FBF1: variants seen among roughly 807,000 people sequenced by gnomAD.
FBF1 encodes fas-binding factor 1.
A neutral mutation model predicts 147.2 loss-of-function variants in FBF1; 119 were observed. The observed-to-expected ratio is 0.81, with a 90% CI of 0.70 to 0.94. The LOEUF (loss-of-function observed/expected upper bound fraction) is 0.94. FBF1 is among the 40% of genes least tolerant of loss of function. FBF1 has a pLI of 0.00. For synonymous variants in FBF1, 601 were observed against 609.0 expected (o/e 0.99, Z 0.19); for missense variants, 1,449 against 1,500.8 (o/e 0.97, Z 0.57).
At position 75,926,093 on chromosome 17, in the gene FBF1, C is replaced by A; in HGVS notation, c.805G>T (p.Ala269Ser). ...LGRGMATKLL[A>S]RPGTGEHREF... ...CTGTGCTCCCCGGTGCCCGGGCGGG[C>A]CAGGAGTTTGGTGGCCATGCCTCGA... Residue 269 changes from alanine (A) to serine (S), a missense_variant, in exon 12 of 30, where the codon GCC becomes TCC. Ala to Ser is a moderately conservative substitution (Grantham distance 99). Transcript: ENST00000636174. 1 of 1,612,318 alleles carries A rather than the reference C, an allele frequency of 6.2e-7. No homozygotes were observed. Among genetic ancestry groups the A allele is most frequent in the South Asian group, 1.1e-5 (1 of 90,952 alleles).
At chr17:75,926,973 G>T in intron 9 of FBF1, 96 bp from the exon 10 acceptor site, 1 of 1,498,972 alleles carries the variant, frequency 6.7e-7, no homozygotes, top group East Asian at 2.5e-5. Flanking sequence ...AAGGCTTCTA[G>T]CTGCTCCAGT....
At position 75,928,556 on chromosome 17, in the gene FBF1, G is replaced by A. The variant is rs890403643; in HGVS notation, c.280-363C>T. On this transcript the variant is annotated intron_variant, in intron 7 of 29. Coordinates refer to ENST00000636174, the MANE Select transcript of FBF1 (RefSeq NM_001319193.2). The surrounding 1 kb of genome is among the most constrained non-coding windows in gnomAD (Gnocchi z 4.2). ...GGCCGGGCGCGGTGGCTCATGCCTA[G>A]AATCCCAGCACTTTGGGCCGAGGCA... is the stretch of plus-strand genomic sequence containing the variant. Among the ~76,000 whole-genome samples, 3 of 151,944 alleles carry A rather than the reference G, an allele frequency of 2.0e-5. No homozygotes were observed. Among genetic ancestry groups the A allele is most frequent in the Middle Eastern group, 3.2e-3 (1 of 316 alleles).
chr17:75,938,512 C>T (rs956719538), intron 1 of FBF1, among the ~76,000 whole-genome samples: 2 of 144,116 alleles, frequency 1.4e-5, no homozygotes, highest in African/African-American at 2.6e-5. Context: ...GCCAAGACCG[C>T]GCCACTGCAC....
In FBF1 at chr17:75,910,882, C is replaced by T. The variant is rs2065453161; in HGVS notation, c.3364-76G>A. Reference sequence around the variant, plus strand: ...GTGGAGCCCTGGATGCTAGCTGAGCCAGCCGTCACTGAGGCCCCTCCCCAC... The same window carrying T: ...GTGGAGCCCTGGATGCTAGCTGAGCTAGCCGTCACTGAGGCCCCTCCCCAC... On this transcript the variant is annotated intron_variant, in intron 29 of 29. Transcript: ENST00000636174. This position sits in a 1 kb window ranked among gnomAD's most constrained non-coding sequence, Gnocchi z 4.1. The T allele has an allele frequency of 6.1e-6, 8 of 1,301,932 alleles. No individual in the cohort carries two copies. The South Asian group carries it at 1.0e-4, about 17-fold the overall frequency. 80.6% of individuals were successfully genotyped at this position (1,301,932 alleles called of 1,614,324 possible). A position where few individuals can be genotyped will look rare whatever the true frequency, so the allele number is the denominator to read the frequency against.
chr17:75,910,908 A>C lies in FBF1; in HGVS notation c.3364-102T>G. 10 of 956,472 alleles carry C rather than the reference A, an allele frequency of 1.0e-5. No individual in the cohort carries two copies. Among genetic ancestry groups the C allele is most frequent in the Non-Finnish European group, 1.6e-5 (10 of 620,400 alleles). The allele number at this position is 956,472 out of a possible 1,614,324, so 59.2% of individuals were successfully genotyped here. ...AGCCGTCACTGAGGCCCCTCCCCAC[A>C]TCGTCCCTGACTCTGCCTGGCTCTG... On this transcript the variant is annotated intron_variant, in intron 29 of 29. Coordinates refer to ENST00000636174, the MANE Select transcript of FBF1 (RefSeq NM_001319193.2). This position sits in a 1 kb window ranked among gnomAD's most constrained non-coding sequence, Gnocchi z 4.1.
rs772798458 is a variant in FBF1 at position 75,914,861 on chromosome 17, C to T, written c.2700G>A (p.Glu900=). ...TTTGCTGCGCGGAGAACTCCGCCCA[C>T]TCGGCAGCCAGGCGCCGCCGCTCCT... ...CGEERRRLAA[E]WAEFSAQQKL... Residue 900 remains glutamate (E), a synonymous_variant, in exon 25 of 30, where the codon GAG becomes GAA. Coordinates refer to ENST00000636174, the MANE Select transcript of FBF1 (RefSeq NM_001319193.2). The T allele has an allele frequency of 6.2e-6, 10 of 1,611,536 alleles. No homozygotes were observed. Among genetic ancestry groups the T allele is most frequent in the African/African-American group, 2.7e-5 (2 of 74,920 alleles).
rs2065514852 is a variant in FBF1 at position 75,920,056 on chromosome 17, G to A, written c.1882C>T (p.Leu628=). ...AGGTCTGCCTGGTGCTGCTGCTGCAGACTCCCCAGCAGCAGCTCATGCTGG... is the reference window on the plus strand; with the variant it reads ...AGGTCTGCCTGGTGCTGCTGCTGCAAACTCCCCAGCAGCAGCTCATGCTGG... ...RAQHELLLGS[L]QQQHQADLEL... The change falls in exon 19 of 30, where the codon CTG becomes TTG. Residue 628 remains leucine (L), a synonymous_variant. Transcript: ENST00000636174. The A allele has an allele frequency of 6.2e-7, 1 of 1,601,124 alleles. No homozygotes were observed. Among genetic ancestry groups the A allele is most frequent in the African/African-American group, 1.3e-5 (1 of 74,698 alleles).
In FBF1 at chr17:75,920,150, G is replaced by A. The variant is rs773632301; in HGVS notation, c.1831-43C>T. ...GGCCAGCAACCAGGGAGGGGAGGTG[G>A]CTGTACTCCACGCTGCCCTGTGCCA... is the stretch of plus-strand genomic sequence containing the variant. On this transcript the variant is annotated intron_variant, in intron 18 of 29. Coordinates refer to ENST00000636174, the MANE Select transcript of FBF1 (RefSeq NM_001319193.2). The A allele has an allele frequency of 1.1e-5, 17 of 1,583,108 alleles. No homozygotes were observed. In the South Asian group the frequency reaches 1.8e-4, roughly 17 times the overall value.
At chr17:75,937,842 C>T (rs1053524824) in intron 2 of FBF1, 13 of 629,566 alleles carry the variant, frequency 2.1e-5, no homozygotes, top group Non-Finnish European at 3.1e-5. Flanking sequence ...TTCCCAGACA[C>T]GACATGCAAA....
Position 75,918,287 on chromosome 17 carries a change from G to T in FBF1, c.2139-18C>A, listed in dbSNP as rs1318798339. On this transcript the variant is annotated intron_variant, in intron 20 of 29. Coordinates refer to ENST00000636174, the MANE Select transcript of FBF1 (RefSeq NM_001319193.2). This position sits in a 1 kb window ranked among gnomAD's most constrained non-coding sequence, Gnocchi z 5.8. ...TGGACGCCCTGAGGGGAGGCGGGAGGGGAAGGCGGTCACTCTGAGCTGGAT... is the reference window on the plus strand; with the variant it reads ...TGGACGCCCTGAGGGGAGGCGGGAGTGGAAGGCGGTCACTCTGAGCTGGAT... 1.2e-6 allele frequency: 2 copies of T among 1,605,190 alleles called. No individual in the cohort carries two copies. The highest frequency in any genetic ancestry group is 1.3e-5 in the African/African-American group (1 of 74,934).
In FBF1 at chr17:75,919,809, TC is replaced by T. The variant is rs2065512580; in HGVS notation, c.1996del (p.Glu666LysfsTer32). ...CGACAGATACCGAGCTGACAGCTCTTCGTTCTCTCTCCGGAGCCGCTCCTCC... is the reference window on the plus strand; with the variant it reads ...CGACAGATACCGAGCTGACAGCTCTTGTTCTCTCTCCGGAGCCGCTCCTCC... ...QREERLRREN[E>X]ELSARYLSQC... On this transcript the variant is annotated frameshift_variant, in exon 20 of 30. Coordinates refer to ENST00000636174, the MANE Select transcript of FBF1 (RefSeq NM_001319193.2). LOFTEE classifies it high-confidence loss of function. The surrounding 1 kb of genome is among the most constrained non-coding windows in gnomAD (Gnocchi z 5.0). 8 of 1,613,794 alleles carry T rather than the reference TC, an allele frequency of 5.0e-6. No homozygotes were observed. In the East Asian group the frequency reaches 1.8e-4, roughly 36 times the overall value.
chr17:75,923,641 A>G lies in FBF1; in HGVS notation c.969T>C (p.Ser323=), dbSNP rs1386453786. The G allele has an allele frequency of 6.3e-7, 1 of 1,591,284 alleles. No homozygotes were observed. The highest frequency in any genetic ancestry group is 1.1e-5 in the South Asian group (1 of 87,806). ...CTGCGCCACTGTCTGCGAAGAACCT[A>G]CTTCAAGACAGAAAGGAGGGTGTCA... ...EGRQSRRQSV[S]RFFADSGADP... is the part of the protein sequence containing the mutation. Residue 323 remains serine, a splice_region_variant and synonymous_variant, in exon 14 of 30, where the codon AGT becomes AGC. Coordinates refer to ENST00000636174, the MANE Select transcript of FBF1 (RefSeq NM_001319193.2). The surrounding 1 kb of genome is among the most constrained non-coding windows in gnomAD (Gnocchi z 4.1).
At chr17:75,917,666 T>G (rs1243272527) in intron 23 of FBF1, 66 bp downstream of exon 23, 2 of 1,420,656 alleles carry the variant, frequency 1.4e-6, no homozygotes, top group East Asian at 5.0e-5. Context: ...CCGCTACACT[T>G]GCGGGTGCCC....
At chr17:75,912,409 C>A (rs1235539900) in intron 28 of FBF1, 102 bp from the exon 29 acceptor site, 5 of 823,220 alleles carry the variant, frequency 6.1e-6, no homozygotes, top group Non-Finnish European at 9.3e-6. Flanking sequence ...AGTGGGTGGA[C>A]CCTGGCCATA....
intron 2 of FBF1, 171 bp downstream of exon 2, chr17:75,937,976 T>C: frequency 2.1e-6 from 2 of 949,012 alleles, no homozygotes; most frequent in South Asian, 1.5e-5. Context: ...AGAAGAAACC[T>C]TGGTCGTCGA....
Position 75,923,430 on chromosome 17 carries a change from CAGG to C in FBF1, c.1177_1179del (p.Pro393del), listed in dbSNP as rs1453572903. Reference sequence around the variant, plus strand: ...CCAGCTGGCGTGGAGTGCTGGCTCGCAGGAGGAGGCACTGAGGGCGTGACAGGC... The same window carrying C: ...CCAGCTGGCGTGGAGTGCTGGCTCGCAGGAGGCACTGAGGGCGTGACAGGC... On this transcript the variant is annotated inframe_deletion, in exon 14 of 30. Coordinates refer to ENST00000636174, the MANE Select transcript of FBF1 (RefSeq NM_001319193.2). This position sits in a 1 kb window ranked among gnomAD's most constrained non-coding sequence, Gnocchi z 4.1. 1.9e-6 allele frequency: 3 copies of C among 1,608,320 alleles called. No homozygotes were observed. The highest frequency in any genetic ancestry group is 2.5e-6 in the Non-Finnish European group (3 of 1,177,736).
intron 2 of FBF1, 153 bp downstream of exon 2, chr17:75,937,994 G>T: frequency 8.5e-7 from 1 of 1,173,964 alleles, no homozygotes; most frequent in Non-Finnish European, 1.2e-6. Flanking sequence ...CGAAAGTTTG[G>T]TATCAATGCC....
intron 7 of FBF1, among the ~76,000 whole-genome samples, chr17:75,929,552 A>G (rs1007660874): frequency 6.6e-6 from 1 of 152,168 alleles, no homozygotes; most frequent in African/African-American, 2.4e-5. Flanking sequence ...ATTATTCAGA[A>G]TCTGTGCCTT....
rs767521359 is a variant in FBF1 at position 75,912,229 on chromosome 17, T to C, written c.3326A>G (p.His1109Arg). 1 of 1,611,258 alleles carries C rather than the reference T, an allele frequency of 6.2e-7. No homozygotes were observed. Among genetic ancestry groups the C allele is most frequent in the Non-Finnish European group, 8.5e-7 (1 of 1,179,226 alleles). The change falls in exon 29 of 30, where the codon CAT becomes CGT. Residue 1109 changes from histidine to arginine, a missense_variant. Transcript: ENST00000636174. ...TGLDPSPLHL[H>R]ARLALLRHMA... is the part of the protein sequence containing the mutation. ...GTGCCTCAGCAGTGCCAGCCTGGCATGGAGGTGCAAGGGGCTGGGGTCCAG... is the reference window on the plus strand; with the variant it reads ...GTGCCTCAGCAGTGCCAGCCTGGCACGGAGGTGCAAGGGGCTGGGGTCCAG...
Sources: gnomAD v4.1 joint callset for allele counts (sites outside exome capture counted in the v4.1 genomes callset) on GRCh38, gnomAD v4.1.1 for gene constraint, Gnocchi (gnomAD v3.1) non-coding constraint, MANE v1.5 for transcripts, NCBI Gene and HGNC (gene_info 2026-07-23, HGNC 2026-07-21) for gene names.